The following BIRC7 variants were observed in gnomAD, a reference collection of about 807,000 sequenced individuals.
BIRC7 encodes baculoviral IAP repeat containing 7, also known as baculoviral IAP repeat-containing protein 7.
BIRC7 carries 26 observed loss-of-function variants against 33.2 expected under a neutral mutation model. That is an observed-to-expected ratio of 0.78 (90% CI 0.57 to 1.09). The LOEUF (loss-of-function observed/expected upper bound fraction) is 1.09, where lower values mean the gene tolerates loss of function less well. Among genes scored for constraint, BIRC7 ranks in the 50% least tolerant of loss-of-function variants. BIRC7 has a pLI of 0.00. For missense variants in BIRC7, 409 were observed against 401.2 expected, an observed-to-expected ratio of 1.02 and a Z score of -0.17; for synonymous variants, 176 against 171.0, an observed-to-expected ratio of 1.03 and a Z score of -0.23.
intron 1 of BIRC7, 127 bp from the exon 2 acceptor site, chr20:63,237,775 AC>A (rs1262947848): frequency 9.1e-6 from 5 of 551,248 alleles, no homozygotes; most frequent in South Asian, 2.6e-5. Flanking sequence ...CCCCCTGCCC[AC>A]CCCCTCCTCC....
intron 4 of BIRC7, 71 bp downstream of exon 4, chr20:63,238,685 G>A: frequency 6.4e-7 from 1 of 1,566,002 alleles, no homozygotes; most frequent in Non-Finnish European, 8.7e-7. Flanking sequence ...GCCACTGGGT[G>A]TCCCCACCCT....
At position 63,237,956 on chromosome 20, in the gene BIRC7, A is replaced by G; in HGVS notation, c.403A>G (p.Lys135Glu). The G allele has an allele frequency of 6.2e-7, 1 of 1,608,468 alleles. No homozygotes were observed. The highest frequency in any genetic ancestry group is 1.3e-5 in the African/African-American group (1 of 74,748). Reference sequence around the variant, plus strand: ...CTGCTATGGGGGCCTGCAGAGCTGGAAGCGCGGGGACGACCCCTGGACGGA... The same window carrying G: ...CTGCTATGGGGGCCTGCAGAGCTGGGAGCGCGGGGACGACCCCTGGACGGA... The part of the protein sequence containing the change: ...FFCYGGLQSW[K>E]RGDDPWTEHA... The change falls in exon 2 of 7, where the codon AAG (lysine) becomes GAG (glutamate). Residue 135 changes from lysine (K) to glutamate (E), a missense_variant. Lys to Glu is a moderately conservative substitution (Grantham distance 56, BLOSUM62 1). Transcript: ENST00000217169.
At chr20:63,236,527 C>G (rs560760862) in intron 1 of BIRC7, 82 bp downstream of exon 1, 1 of 1,450,476 alleles carries the variant, frequency 6.9e-7, no homozygotes, top group Non-Finnish European at 9.1e-7. Context: ...CTGCCTCCTC[C>G]GTAGCATCCA....
chr20:63,237,626 C>T (rs2066699058), intron 1 of BIRC7, among the ~76,000 whole-genome samples: 1 of 152,118 alleles, frequency 6.6e-6, no homozygotes, highest in African/African-American at 2.4e-5. Context: ...GGGGCCCCCA[C>T]TGCTCACTCT....
Position 63,238,437 on chromosome 20 carries a change from A to G in BIRC7, c.491A>G (p.His164Arg), listed in dbSNP as rs61737392. The G allele has an allele frequency of 7.5e-3, 12,095 of 1,612,522 alleles. 490 individuals are homozygous for G. The African/African-American group carries it at 0.1, about 14-fold the overall frequency. Residue 164 changes from histidine (H) to arginine (R), a missense_variant, in exon 3 of 7, where the codon CAC (histidine) becomes CGC (arginine). Physicochemically the swap from His to Arg is conservative, Grantham distance 29. Transcript: ENST00000217169. Reference protein sequence around the residue: ...LLRSKGRDFVHSVQETHSQLL... With the variant: ...LLRSKGRDFVRSVQETHSQLL... ...CGGTCAAAAGGAAGAGACTTTGTCC[A>G]CAGTGTGCAGGAGACTCACTCCCAG...
intron 1 of BIRC7, among the ~76,000 whole-genome samples, chr20:63,237,157 T>C (rs1390625573): frequency 1.3e-5 from 2 of 152,004 alleles, no homozygotes; most frequent in Non-Finnish European, 2.9e-5. Context: ...ACCATCCTGG[T>C]AAGGCTGGAC....
Position 63,236,122 on chromosome 20 carries a change from G to A in BIRC7, c.26G>A (p.Cys9Tyr), listed in dbSNP as rs368907177. 8 of 1,574,596 alleles carry A rather than the reference G, an allele frequency of 5.1e-6. No homozygotes were observed. Among genetic ancestry groups the A allele is most frequent in the South Asian group, 1.2e-5 (1 of 86,940 alleles). Reference protein sequence around the residue: MGPKDSAKCLHRGPQPSHW... With the variant: MGPKDSAKYLHRGPQPSHW... ...ATGGGACCTAAAGACAGTGCCAAGT[G>A]CCTGCACCGTGGACCACAGCCGAGC... is the stretch of plus-strand genomic sequence containing the variant. The change falls in exon 1 of 7, where the codon TGC becomes TAC. Residue 9 changes from cysteine (C) to tyrosine (Y), a missense_variant. Cys to Tyr is a radical substitution (Grantham distance 194). Transcript: ENST00000217169.
intron 1 of BIRC7, 94 bp from the exon 2 acceptor site, chr20:63,237,809 C>A: frequency 8.9e-7 from 1 of 1,127,640 alleles, no homozygotes; most frequent in Non-Finnish European, 1.2e-6. Flanking sequence ...GGGAGCTCCC[C>A]TCCAGCTGAA....
At chr20:63,236,559 G>GC in intron 1 of BIRC7, 114 bp downstream of exon 1, 3 of 1,379,552 alleles carry the variant, frequency 2.2e-6, no homozygotes, top group South Asian at 1.8e-5. Context: ...GAAGGGTCTG[G>GC]CCTGATGACG....
chr20:63,238,782 TG>T (rs779140258), intron 4 of BIRC7, 168 bp downstream of exon 4: 1 of 893,902 alleles, frequency 1.1e-6, no homozygotes, highest in Admixed American at 2.5e-5. Context: ...CATGTGAGGG[TG>T]GGGGCGGGGC....
Position 63,235,966 on chromosome 20 carries a change from T to A in BIRC7, c.-131T>A. The A allele has an allele frequency of 6.0e-6, 7 of 1,164,240 alleles. No individual in the cohort carries two copies. The highest frequency in any genetic ancestry group is 8.3e-6 in the Non-Finnish European group (7 of 848,132). The allele number at this position is 1,164,240 out of a possible 1,614,324, so 72.1% of individuals were successfully genotyped here. ...CCCAGGGTGTCTGGTGGCAGGCCTGTGCCTATCCCTGCTGTCCCCAGGGTG... is the reference window on the plus strand; with the variant it reads ...CCCAGGGTGTCTGGTGGCAGGCCTGAGCCTATCCCTGCTGTCCCCAGGGTG... On this transcript the variant is annotated 5_prime_UTR_variant, in exon 1 of 7. Coordinates refer to ENST00000217169, the MANE Select transcript of BIRC7 (RefSeq NM_139317.3).
chr20:63,236,581 C>T (rs1601254345), intron 1 of BIRC7, 136 bp downstream of exon 1: 7 of 1,317,816 alleles, frequency 5.3e-6, no homozygotes, highest in East Asian at 2.7e-5. Flanking sequence ...AGCAGTGGTC[C>T]TGCAAGCCCC....
Position 63,237,924 on chromosome 20 carries a change from G to T in BIRC7, c.371G>T (p.Cys124Phe). 2 of 1,607,128 alleles carry T rather than the reference G, an allele frequency of 1.2e-6. No individual in the cohort carries two copies. Among genetic ancestry groups the T allele is most frequent in the South Asian group, 1.1e-5 (1 of 90,260 alleles). Reference sequence around the variant, plus strand: ...CCAGGCCATCAGGACAAGGTGAGGTGCTTCTTCTGCTATGGGGGCCTGCAG... The same window carrying T: ...CCAGGCCATCAGGACAAGGTGAGGTTCTTCTTCTGCTATGGGGGCCTGCAG... The part of the protein sequence containing the change: ...FHTGHQDKVR[C>F]FFCYGGLQSW... Residue 124 changes from cysteine to phenylalanine, a missense_variant, in exon 2 of 7, where the codon TGC becomes TTC. By Grantham distance (205) the Cys-to-Phe change is radical. Coordinates refer to ENST00000217169, the MANE Select transcript of BIRC7 (RefSeq NM_139317.3).
Position 63,236,458 on chromosome 20 carries a change from CG to C in BIRC7, c.349+20del, listed in dbSNP as rs751585143. 10 of 1,509,334 alleles carry C rather than the reference CG, an allele frequency of 6.6e-6. No individual in the cohort carries two copies. Among genetic ancestry groups the C allele is most frequent in the Non-Finnish European group, 7.1e-6 (8 of 1,132,102 alleles). The allele number at this position is 1,509,334 out of a possible 1,614,324, so 93.5% of individuals were successfully genotyped here. A position where few individuals can be genotyped will look rare whatever the true frequency, so the allele number is the denominator to read the frequency against. ...TTCTTCCACACAGGTCAGTCCCGGG[CG>C]GGGGGGCCTTCCTGCCGTGGGCCTG... On this transcript the variant is annotated intron_variant, in intron 1 of 6. Coordinates refer to ENST00000217169, the MANE Select transcript of BIRC7 (RefSeq NM_139317.3).
chr20:63,239,527 T>C lies in BIRC7; in HGVS notation c.819T>C (p.Ala273=). The C allele has an allele frequency of 6.2e-7, 1 of 1,605,260 alleles. No homozygotes were observed. Among genetic ancestry groups the C allele is most frequent in the East Asian group, 2.2e-5 (1 of 44,850 alleles). ...VFVPCGHLVC[A]ECAPGLQLCP... is the part of the protein sequence containing the mutation. The stretch of plus-strand genomic sequence containing the variant: ...TGCCGTGCGGCCACCTGGTCTGTGC[T>C]GAGTGTGCCCCCGGCCTGCAGCTGT... The change falls in exon 6 of 7, where the codon GCT becomes GCC. Residue 273 remains alanine (A), a synonymous_variant. Coordinates refer to ENST00000217169, the MANE Select transcript of BIRC7 (RefSeq NM_139317.3).
At chr20:63,238,944 G>A in intron 4 of BIRC7, 1 of 638,356 alleles carries the variant, frequency 1.6e-6, no homozygotes, top group Non-Finnish European at 2.7e-6. Context: ...TGTGCAGAGG[G>A]CATTGGACAA....
Position 63,239,396 on chromosome 20 carries a change from G to C in BIRC7, c.688G>C (p.Val230Leu). The C allele has an allele frequency of 6.2e-7, 1 of 1,604,954 alleles. No individual in the cohort carries two copies. The highest frequency in any genetic ancestry group is 8.5e-7 in the Non-Finnish European group (1 of 1,179,786). ...SPAEAQRAWW[V>L]LEPPGARDVE... ...AGCCGAGGCCCAGAGGGCGTGGTGGGTTCTTGAGCCCCCAGGAGCCAGGGA... is the reference window on the plus strand; with the variant it reads ...AGCCGAGGCCCAGAGGGCGTGGTGGCTTCTTGAGCCCCCAGGAGCCAGGGA... Residue 230 changes from valine to leucine, a missense_variant, in exon 6 of 7, where the codon GTT (valine) becomes CTT (leucine). Physicochemically the swap from Val to Leu is conservative, Grantham distance 32. Transcript: ENST00000217169.
In BIRC7 at chr20:63,236,000, G is replaced by C; in HGVS notation, c.-97G>C. 7.0e-7 allele frequency: 1 copy of C among 1,421,246 alleles called. No homozygotes were observed. The highest frequency in any genetic ancestry group is 1.5e-5 in the South Asian group (1 of 67,976). 88.0% of individuals were successfully genotyped at this position (1,421,246 alleles called of 1,614,324 possible). On this transcript the variant is annotated 5_prime_UTR_variant, in exon 1 of 7. Coordinates refer to ENST00000217169, the MANE Select transcript of BIRC7 (RefSeq NM_139317.3). ...CTGCTGTCCCCAGGGTGGGCCCCGG[G>C]GGTCAGGAGCTCCAGAAGGGCCAGC...
In BIRC7 at chr20:63,239,613, G is replaced by A; in HGVS notation, c.*5+3G>A. On this transcript the variant is annotated splice_donor_region_variant and intron_variant, in intron 6 of 6. Transcript: ENST00000217169. The stretch of plus-strand genomic sequence containing the variant: ...CGCACCTTCCTGTCCTAGGCCAGGT[G>A]AGCGCCCCAGCACCACGCGCAGCCA... The A allele has an allele frequency of 1.3e-6, 2 of 1,590,790 alleles. No individual in the cohort carries two copies. The highest frequency in any genetic ancestry group is 2.2e-5 in the South Asian group (2 of 90,060).
Sources: allele counts gnomAD v4.1 joint callset (sites outside exome capture counted in the v4.1 genomes callset), GRCh38; gene constraint gnomAD v4.1.1; transcripts MANE v1.5; gene names NCBI Gene and HGNC (gene_info 2026-07-23, HGNC 2026-07-21).